The following ZNF730 variants were observed in gnomAD, a reference collection of about 807,000 sequenced individuals.
ZNF730 encodes the protein putative zinc finger protein 730.
In ZNF730, 12 loss-of-function variants were observed where a neutral mutation model predicts 12.6. The ratio of observed to expected loss-of-function variants is 0.95; its 90% CI spans 0.61 to 1.54. The LOEUF (loss-of-function observed/expected upper bound fraction) is 1.54, where lower values mean the gene tolerates loss of function less well. Ranked by LOEUF, ZNF730 falls within the 40% of genes most tolerant of loss-of-function variation. The pLI, the probability that ZNF730 is intolerant of heterozygous loss-of-function variation, is 0.00. For synonymous variants in ZNF730, 194 were observed against 195.8 expected (o/e 0.99, Z 0.08); for missense variants, 643 against 583.5 (o/e 1.10, Z -1.05).
At chr19:23,103,120 T>A (rs914753094) in intron 1 of ZNF730, among the ~76,000 whole-genome samples, 1 of 152,220 alleles carries the variant, frequency 6.6e-6, no homozygotes, top group African/African-American at 2.4e-5. Flanking sequence ...GACTGTCATA[T>A]ATGAACATCC....
chr19:23,114,968 C>A (rs1970500714), upstream of ZNF730, among the ~76,000 whole-genome samples: 4 of 151,872 alleles, frequency 2.6e-5, no homozygotes, highest in Admixed American at 1.3e-4. Context: ...TTCATGAAGA[C>A]AGGATTTTAC....
intron 1 of ZNF730, among the ~76,000 whole-genome samples, chr19:23,125,388 A>G (rs1030418595): frequency 6.6e-6 from 1 of 152,190 alleles, no homozygotes; most frequent in Non-Finnish European, 1.5e-5. Flanking sequence ...AACTCCCTAG[A>G]AACTTGTTGA....
chr19:23,120,430 A>ATT (rs879281810), intron 1 of ZNF730, among the ~76,000 whole-genome samples: 1 of 143,218 alleles, frequency 7.0e-6, no homozygotes, highest in Non-Finnish European at 1.5e-5. Flanking sequence ...AAATTTATCC[A>ATT]TTTTTTTTTT....
At chr19:23,091,155 G>A (rs1368599796) in intron 1 of ZNF730, among the ~76,000 whole-genome samples, 1 of 152,184 alleles carries the variant, frequency 6.6e-6, no homozygotes, top group African/African-American at 2.4e-5. Flanking sequence ...GGCTTCAGAG[G>A]GTGGAAGCCT....
At chr19:23,141,633 T>G (rs1402508949) in intron 3 of ZNF730, among the ~76,000 whole-genome samples, 1 of 152,184 alleles carries the variant, frequency 6.6e-6, no homozygotes, top group East Asian at 1.9e-4. Flanking sequence ...AGTGTGTTAA[T>G]TTTTATATAT....
intron 1 of ZNF730, among the ~76,000 whole-genome samples, chr19:23,084,556 G>A (rs1970025034): frequency 6.6e-6 from 1 of 152,102 alleles, no homozygotes; most frequent in Admixed American, 6.5e-5. Flanking sequence ...TGGGTTTGTT[G>A]TAAAGATTAA....
intron 1 of ZNF730, among the ~76,000 whole-genome samples, chr19:23,092,980 GT>G (rs1385101257): frequency 6.6e-6 from 1 of 151,980 alleles, no homozygotes; most frequent in Non-Finnish European, 1.5e-5. Flanking sequence ...CTCCTCAATT[GT>G]TTTTTTGTTT....
chr19:23,095,298 C>T (rs1970229886), intron 1 of ZNF730: 4 of 398,398 alleles, frequency 1.0e-5, no homozygotes, highest in Non-Finnish European at 4.4e-6. Flanking sequence ...CTCACACGTA[C>T]GTTATGTGAC....
intron 1 of ZNF730, among the ~76,000 whole-genome samples, chr19:23,121,631 T>C (rs1970600452): frequency 6.6e-6 from 1 of 152,168 alleles, no homozygotes; most frequent in African/African-American, 2.4e-5. Flanking sequence ...TGAGCTGCCA[T>C]GCCCAGCAGA....
chr19:23,080,521 C>T (rs547081574), intron 1 of ZNF730, among the ~76,000 whole-genome samples: 8 of 151,886 alleles, frequency 5.3e-5, no homozygotes, highest in Non-Finnish European at 7.4e-5. Flanking sequence ...ATTATAGGTG[C>T]GCACCACCAT....
At chr19:23,078,689 G>A (rs1347148162) in intron 1 of ZNF730, among the ~76,000 whole-genome samples, 1 of 152,134 alleles carries the variant, frequency 6.6e-6, no homozygotes, top group Non-Finnish European at 1.5e-5. Context: ...TTGTCTCTGT[G>A]TCTCTTTCTT....
rs1227926778 is a variant in ZNF730 at position 23,146,532 on chromosome 19, T to G, written c.1488T>G (p.Thr496=). ...GKAFRRFSHL[T]RHKTIHT is the part of the protein sequence containing the mutation. ...CCTTTAGGCGGTTCTCACACCTTAC[T>G]AGGCATAAGACAATTCATACATAAA... Residue 496 remains threonine (T), a synonymous_variant, in exon 4 of 4, where the codon ACT becomes ACG. Coordinates refer to ENST00000597761, the MANE Select transcript of ZNF730 (RefSeq NM_001277403.2). 1 of 1,582,998 alleles carries G rather than the reference T, an allele frequency of 6.3e-7. No homozygotes were observed. The highest frequency in any genetic ancestry group is 2.3e-5 in the East Asian group (1 of 44,164).
At chr19:23,087,420 GA>G (rs915211105) in intron 1 of ZNF730, among the ~76,000 whole-genome samples, 12 of 151,702 alleles carry the variant, frequency 7.9e-5, no homozygotes, top group Non-Finnish European at 1.5e-4. Context: ...AGAAAAAAAA[GA>G]AAAAAAGAAA....
chr19:23,144,547 A>C (rs957242766), intron 3 of ZNF730, among the ~76,000 whole-genome samples: 12 of 151,890 alleles, frequency 7.9e-5, no homozygotes, highest in Admixed American at 7.9e-4. Context: ...AAAAATACAA[A>C]AAATTAGCTG....
At chr19:23,139,044 G>C (rs1248489273) in intron 3 of ZNF730, among the ~76,000 whole-genome samples, 1 of 152,146 alleles carries the variant, frequency 6.6e-6, no homozygotes. Context: ...AAATATACTA[G>C]AATTGACATG....
intron 1 of ZNF730, chr19:23,095,446 G>A (rs1970232977): frequency 2.5e-6 from 1 of 398,476 alleles, no homozygotes; most frequent in Admixed American, 4.4e-5. Flanking sequence ...CACAGGTAAT[G>A]CAACTCTATT....
chr19:23,141,962 G>T (rs1018965636), intron 3 of ZNF730, among the ~76,000 whole-genome samples: 8 of 151,474 alleles, frequency 5.3e-5, no homozygotes, highest in African/African-American at 1.9e-4. Flanking sequence ...TAATTATATT[G>T]CTCTCTATGT....
intron 1 of ZNF730, among the ~76,000 whole-genome samples, chr19:23,107,072 T>TG (rs1970400959): frequency 2.2e-5 from 2 of 90,978 alleles, no homozygotes; most frequent in African/African-American, 5.8e-5. Context: ...CGCATGTTTT[T>TG]GTTTTTTTTT....
At chr19:23,086,312 TA>T (rs1217784651) in intron 1 of ZNF730, among the ~76,000 whole-genome samples, 1 of 152,210 alleles carries the variant, frequency 6.6e-6, no homozygotes, top group Non-Finnish European at 1.5e-5. Context: ...TTAGTTTAAT[TA>T]GATTTTACTT....
Sources: allele counts gnomAD v4.1 joint callset (sites outside exome capture counted in the v4.1 genomes callset), GRCh38; gene constraint gnomAD v4.1.1; transcripts MANE v1.5; gene names NCBI Gene and HGNC (gene_info 2026-07-23, HGNC 2026-07-21).